The following CHLSN variants were observed in gnomAD, a reference collection of about 807,000 sequenced individuals.
The protein encoded by CHLSN is protein cholesin.
the CHLSN span, among the ~76,000 whole-genome samples, chr7:996,727 C>T: frequency 6.6e-6 from 1 of 152,254 alleles, no homozygotes; most frequent in Non-Finnish European, 1.5e-5. Context: ...GGGGCAGGGA[C>T]CACGTGCTGC....
At chr7:1,073,414 G>A in the CHLSN span, among the ~76,000 whole-genome samples, 2 of 152,104 alleles carry the variant, frequency 1.3e-5, no homozygotes, top group African/African-American at 4.8e-5. Flanking sequence ...CTGAGCTCCC[G>A]CCGCCCCTCA....
chr7:1,122,924 G>C, the CHLSN span, among the ~76,000 whole-genome samples: 1 of 152,162 alleles, frequency 6.6e-6, no homozygotes, highest in Non-Finnish European at 1.5e-5. Flanking sequence ...TAAGACCAGT[G>C]GGCAATCATA....
chr7:1,108,545 C>A, the CHLSN span, among the ~76,000 whole-genome samples: 2 of 152,196 alleles, frequency 1.3e-5, no homozygotes, highest in Non-Finnish European at 2.9e-5. Flanking sequence ...GGGGGCAGTG[C>A]AAATCTGCCT....
chr7:1,040,058 C>T, the CHLSN span, among the ~76,000 whole-genome samples: 4 of 136,890 alleles, frequency 2.9e-5, no homozygotes, highest in Non-Finnish European at 5.0e-5. Context: ...GGTCCTCTGC[C>T]TAGGAAAACC....
the CHLSN span, among the ~76,000 whole-genome samples, chr7:992,263 T>G: frequency 6.6e-6 from 1 of 152,204 alleles, no homozygotes; most frequent in African/African-American, 2.4e-5. Flanking sequence ...GATCTGCTTC[T>G]GGGTCTGAGG....
chr7:992,538 C>A, the CHLSN span, among the ~76,000 whole-genome samples: 3 of 152,268 alleles, frequency 2.0e-5, no homozygotes, highest in Admixed American at 6.5e-5. Context: ...ACCACACCCA[C>A]AGGGAACACA....
the CHLSN span, among the ~76,000 whole-genome samples, chr7:1,044,320 T>TG: frequency 6.6e-6 from 1 of 152,232 alleles, no homozygotes; most frequent in South Asian, 2.1e-4. Context: ...GAGCCCTGGG[T>TG]GTGTGTCCTC....
chr7:1,077,434 C>T, the CHLSN span, among the ~76,000 whole-genome samples: 6 of 152,250 alleles, frequency 3.9e-5, no homozygotes, highest in African/African-American at 4.8e-5. Flanking sequence ...GGATTACAGG[C>T]GTGAGCCACT....
chr7:1,106,310 C>G, the CHLSN span, among the ~76,000 whole-genome samples: 2 of 152,214 alleles, frequency 1.3e-5, no homozygotes, highest in African/African-American at 2.4e-5. Context: ...GTCTGGGCAT[C>G]AGAGGGCCAT....
the CHLSN span, chr7:1,075,941 G>A: frequency 6.6e-6 from 1 of 151,926 alleles, no homozygotes; most frequent in Non-Finnish European, 1.5e-5. Flanking sequence ...CTGACCTCAG[G>A]TAGGAACAGC....
At chr7:1,070,218 G>A in the CHLSN span, among the ~76,000 whole-genome samples, 4 of 139,756 alleles carry the variant, frequency 2.9e-5, no homozygotes, top group African/African-American at 1.1e-4. Flanking sequence ...GAAGTGAGGA[G>A]CGTCTCCGCC....
the CHLSN span, among the ~76,000 whole-genome samples, chr7:1,112,568 G>A: frequency 2.0e-5 from 3 of 152,328 alleles, no homozygotes; most frequent in African/African-American, 4.8e-5. Context: ...GAACCTGGCA[G>A]CTTCCAGCAA....
chr7:1,042,781 T>G, the CHLSN span, among the ~76,000 whole-genome samples: 2 of 152,184 alleles, frequency 1.3e-5, no homozygotes, highest in African/African-American at 2.4e-5. Flanking sequence ...CCAGGGATTC[T>G]GAGGTCTTGG....
chr7:1,078,552 G>A, the CHLSN span, among the ~76,000 whole-genome samples: 10 of 152,078 alleles, frequency 6.6e-5, no homozygotes, highest in African/African-American at 2.2e-4. Flanking sequence ...CCACACTCCC[G>A]TGACCACAGG....
chr7:1,134,116 T>A, the CHLSN span, among the ~76,000 whole-genome samples: 106 of 152,010 alleles, frequency 7.0e-4, no homozygotes, highest in African/African-American at 2.0e-3. Flanking sequence ...ATATATATAT[T>A]TTTTTAATTC....
the CHLSN span, among the ~76,000 whole-genome samples, chr7:1,101,742 C>T: frequency 2.6e-5 from 4 of 152,356 alleles, no homozygotes; most frequent in East Asian, 1.9e-4. Context: ...TTGGTATCCA[C>T]GCAGCCCGCA....
the CHLSN span, among the ~76,000 whole-genome samples, chr7:1,036,984 G>A: frequency 4.8e-5 from 7 of 147,350 alleles, no homozygotes; most frequent in African/African-American, 1.7e-4. Context: ...GGTGGCATGC[G>A]CCTGTAGTCC....
the CHLSN span, among the ~76,000 whole-genome samples, chr7:985,513 CCT>C: frequency 1.4e-4 from 22 of 152,214 alleles, no homozygotes; most frequent in Admixed American, 1.2e-3. Context: ...CAAACCAGCC[CCT>C]GTGCTCTCCA....
chr7:1,124,704 A>G, the CHLSN span, among the ~76,000 whole-genome samples: 1 of 151,908 alleles, frequency 6.6e-6, no homozygotes, highest in African/African-American at 2.4e-5. Context: ...CCTAAAACTT[A>G]AAGTATAATA....
Sources: allele counts gnomAD v4.1 joint callset (sites outside exome capture counted in the v4.1 genomes callset), GRCh38; gene constraint gnomAD v4.1.1; transcripts MANE v1.5; gene names NCBI Gene and HGNC (gene_info 2026-07-23, HGNC 2026-07-21).